The following MAP2 variants were observed in gnomAD, a reference collection of about 807,000 sequenced individuals.
MAP2 encodes the protein microtubule associated protein 2.
Under a neutral mutation model 137.6 loss-of-function variants are expected in MAP2, and 14 were observed. The ratio of observed to expected loss-of-function variants is 0.10; its 90% confidence interval spans 0.07 to 0.16. MAP2 has a LOEUF of 0.16. MAP2 is among the 10% of genes least tolerant of loss of function. MAP2 has a pLI of 1.00. For missense variants in MAP2, 2,088 were observed against 2,191.5 expected (o/e 0.95, Z 0.94); for synonymous variants, 786 against 782.3 (o/e 1.00, Z -0.08).
intron 4 of MAP2, among the ~76,000 whole-genome samples, chr2:209,645,271 A>G (rs1488203845): frequency 6.6e-6 from 1 of 152,236 alleles, no homozygotes; most frequent in Non-Finnish European, 1.5e-5. Context: ...TGTTAAATGC[A>G]TTAAGTTTTA....
chr2:209,717,961 G>A (rs76988310), intron 13 of MAP2, among the ~76,000 whole-genome samples: 17,316 of 152,014 alleles, frequency 0.11, 1,369 homozygotes, highest in Middle Eastern at 0.17. Flanking sequence ...AATACCCTAC[G>A]AACTTGTAAA....
intron 1 of MAP2, among the ~76,000 whole-genome samples, chr2:209,448,045 A>G (rs17236116): frequency 0.56 from 85,704 of 151,918 alleles, 26,008 homozygotes; most frequent in African/African-American, 0.79. Context: ...AGATGCACAC[A>G]AAAGTTTTGA....
intron 7 of MAP2, among the ~76,000 whole-genome samples, chr2:209,687,955 G>A (rs1181899113): frequency 3.9e-5 from 6 of 152,144 alleles, no homozygotes; most frequent in Non-Finnish European, 7.3e-5. Flanking sequence ...CTTAGGCCAG[G>A]AGAAAGGTGA....
chr2:209,434,919 GTTATATATATATGTTATATATA>G (rs1559157625), intron 1 of MAP2, among the ~76,000 whole-genome samples: 1 of 133,228 alleles, frequency 7.5e-6, no homozygotes, highest in East Asian at 2.0e-4. Flanking sequence ...TTATATATAT[GTTATATATATATGTTATATATA>G]TGTGTTTTAT....
intron 12 of MAP2, among the ~76,000 whole-genome samples, chr2:209,707,108 C>T (rs1327100746): frequency 2.0e-5 from 3 of 152,026 alleles, no homozygotes; most frequent in East Asian, 1.9e-4. Context: ...CAAGTACTCT[C>T]GAAAGGAACA....
At chr2:209,505,547 G>T (rs2060927114) in intron 1 of MAP2, among the ~76,000 whole-genome samples, 1 of 152,074 alleles carries the variant, frequency 6.6e-6, no homozygotes, top group Non-Finnish European at 1.5e-5. Flanking sequence ...ACCCAACTTT[G>T]CAAAGCTGTA....
chr2:209,498,914 TC>T (rs1381999357), intron 1 of MAP2, among the ~76,000 whole-genome samples: 1 of 152,194 alleles, frequency 6.6e-6, no homozygotes, highest in Non-Finnish European at 1.5e-5. Context: ...AAGGCCTTTT[TC>T]CCATTATCTT....
At chr2:209,598,418 TTTTA>T (rs1426574985) in intron 3 of MAP2, among the ~76,000 whole-genome samples, 1 of 151,672 alleles carries the variant, frequency 6.6e-6, no homozygotes, top group African/African-American at 2.4e-5. Flanking sequence ...AATTTATTTA[TTTTA>T]TTTATTTATT....
Position 209,602,012 on chromosome 2 carries a change from A to G in MAP2, c.-107+21912A>G, listed in dbSNP as rs980084490. 5.3e-5 allele frequency among the ~76,000 whole-genome samples: 8 copies of G among 152,306 alleles called. 1 individual carries two copies. In the South Asian group the frequency reaches 1.7e-3, roughly 32 times the overall value. On this transcript the variant is annotated intron_variant, in intron 3 of 15. Coordinates refer to ENST00000682079, the MANE Select transcript of MAP2 (RefSeq NM_001375505.1). ...ATAAAGCCCTCTTTGCACAGACATT[A>G]TGTGTGAAAAGTCTCCCAAACTAAT...
chr2:209,655,637 T>C (rs1358366804), intron 5 of MAP2, among the ~76,000 whole-genome samples: 2 of 152,200 alleles, frequency 1.3e-5, no homozygotes, highest in Non-Finnish European at 1.5e-5. Flanking sequence ...ATCCCAAATA[T>C]GGTATTTAGA....
At chr2:209,553,687 A>T (rs1034339612) in intron 2 of MAP2, among the ~76,000 whole-genome samples, 2 of 152,166 alleles carry the variant, frequency 1.3e-5, no homozygotes, top group African/African-American at 4.8e-5. Flanking sequence ...GCCTCTATTT[A>T]TCTTATTTTT....
intron 11 of MAP2, among the ~76,000 whole-genome samples, chr2:209,703,114 T>G (rs1248477678): frequency 1.3e-5 from 2 of 152,062 alleles, no homozygotes; most frequent in Non-Finnish European, 2.9e-5. Context: ...TGGCCATCTT[T>G]TCAGTCCTGA....
intron 1 of MAP2, among the ~76,000 whole-genome samples, chr2:209,471,418 A>AT (rs1490853609): frequency 6.6e-6 from 1 of 152,198 alleles, no homozygotes; most frequent in Non-Finnish European, 1.5e-5. Context: ...AGTACCTAGC[A>AT]TGGTGCCTTA....
chr2:209,556,562 A>G (rs919542630), intron 2 of MAP2, among the ~76,000 whole-genome samples: 3 of 151,924 alleles, frequency 2.0e-5, no homozygotes, highest in Admixed American at 6.6e-5. Flanking sequence ...TCTACTGCTT[A>G]GAGAGAAATG....
In MAP2 at chr2:209,553,301, G is replaced by T. The variant is rs182247880; in HGVS notation, c.-171-26735G>T. ...GCTGGGATTACAGGTGTGAGCCACC[G>T]CGCCCAGCCTAAAAAGGATGTATTT... On this transcript the variant is annotated intron_variant, in intron 2 of 15. Coordinates refer to ENST00000682079, the MANE Select transcript of MAP2 (RefSeq NM_001375505.1). 4.0e-3 allele frequency among the ~76,000 whole-genome samples: 613 copies of T among 152,128 alleles called. 5 individuals are homozygous for T. Among genetic ancestry groups the T allele is most frequent in the African/African-American group, 0.014 (578 of 41,504 alleles).
intron 5 of MAP2, among the ~76,000 whole-genome samples, chr2:209,656,846 A>C (rs958152114): frequency 3.3e-5 from 5 of 152,066 alleles, no homozygotes; most frequent in African/African-American, 1.2e-4. Flanking sequence ...CATAGGGGTG[A>C]AGTCTGGGCT....
chr2:209,614,386 T>C (rs2088271887), intron 3 of MAP2, among the ~76,000 whole-genome samples: 1 of 152,178 alleles, frequency 6.6e-6, no homozygotes, highest in South Asian at 2.1e-4. Context: ...AGGCAGCCTC[T>C]TCTTTGTTTT....
intron 3 of MAP2, among the ~76,000 whole-genome samples, chr2:209,601,110 A>G (rs892192566): frequency 6.6e-6 from 1 of 152,220 alleles, no homozygotes; most frequent in African/African-American, 2.4e-5. Flanking sequence ...AATGGTTGCC[A>G]TATTGACTGT....
chr2:209,525,380 A>G (rs535104011), intron 2 of MAP2, among the ~76,000 whole-genome samples: 1 of 152,314 alleles, frequency 6.6e-6, no homozygotes, highest in East Asian at 1.9e-4. Context: ...CTATACCAAA[A>G]TAACCCAATA....
Sources: gnomAD v4.1 joint callset for allele counts (sites outside exome capture counted in the v4.1 genomes callset) on GRCh38, gnomAD v4.1.1 for gene constraint, MANE v1.5 for transcripts, NCBI Gene and HGNC (gene_info 2026-07-23, HGNC 2026-07-21) for gene names.